LIN28B: variants seen among roughly 807,000 people sequenced by gnomAD.
LIN28B encodes lin-28 RNA binding posttranscriptional regulator B, also known as protein lin-28 homolog B.
Under a neutral mutation model 21.9 loss-of-function variants are expected in LIN28B, and 5 were observed. That is an observed-to-expected ratio of 0.23 (90% CI 0.12 to 0.48). The LOEUF (loss-of-function observed/expected upper bound fraction) is 0.48, where lower values mean the gene tolerates loss of function less well. LIN28B is among the 20% of genes least tolerant of loss of function. The pLI is 0.98. For missense variants in LIN28B, 245 were observed against 310.5 expected, an observed-to-expected ratio of 0.79 and a Z score of 1.58; for synonymous variants, 109 against 111.3, an observed-to-expected ratio of 0.98 and a Z score of 0.13.
chr6:105,067,560 TTCTC>T (rs765736767), intron 3 of LIN28B, among the ~76,000 whole-genome samples: 3 of 152,098 alleles, frequency 2.0e-5, no homozygotes, highest in East Asian at 1.9e-4. Context: ...TGAGTAATCT[TTCTC>T]TCTCTCTCTT....
chr6:104,939,628 T>C (rs1291868339), intron 2 of LIN28B: 2 of 152,362 alleles, frequency 1.3e-5, no homozygotes, highest in East Asian at 1.9e-4. Flanking sequence ...ATTTGCCTTT[T>C]AGTCATACAA....
At chr6:105,054,837 C>G (rs1025543446) in intron 3 of LIN28B, among the ~76,000 whole-genome samples, 12 of 149,902 alleles carry the variant, frequency 8.0e-5, no homozygotes, top group Non-Finnish European at 1.8e-4. Flanking sequence ...TTTCTTGAAC[C>G]TGAACAACTT....
chr6:104,963,237 G>A (rs867568205), intron 2 of LIN28B, among the ~76,000 whole-genome samples: 2 of 152,082 alleles, frequency 1.3e-5, no homozygotes, highest in Middle Eastern at 3.4e-3. Context: ...TAGTAGAGAC[G>A]GGGTTTCACT....
chr6:104,975,035 G>A (rs780073705), intron 2 of LIN28B, among the ~76,000 whole-genome samples: 6 of 152,032 alleles, frequency 3.9e-5, no homozygotes, highest in Admixed American at 2.0e-4. Flanking sequence ...GGCCAGGCTG[G>A]TCTTGAACTC....
intron 2 of LIN28B, among the ~76,000 whole-genome samples, chr6:104,970,109 G>T (rs984181897): frequency 2.0e-5 from 3 of 152,132 alleles, no homozygotes; most frequent in Admixed American, 6.6e-5. Flanking sequence ...CTCAGTAAAA[G>T]CTTCAATATT....
intron 2 of LIN28B, among the ~76,000 whole-genome samples, chr6:104,938,375 C>G (rs1268830714): frequency 6.6e-6 from 1 of 152,146 alleles, no homozygotes; most frequent in South Asian, 2.1e-4. Context: ...CATGGTGGAT[C>G]ACGCCTGTAA....
chr6:105,066,089 C>A (rs1022371232), intron 3 of LIN28B, among the ~76,000 whole-genome samples: 6 of 152,176 alleles, frequency 3.9e-5, no homozygotes, highest in Admixed American at 1.3e-4. Flanking sequence ...AAGAGGATTG[C>A]TTGAGCCCAG....
chr6:105,067,346 CACTACA>C (rs1772239162), intron 3 of LIN28B, among the ~76,000 whole-genome samples: 1 of 152,162 alleles, frequency 6.6e-6, no homozygotes, highest in Non-Finnish European at 1.5e-5. Context: ...ATAGTTAAAA[CACTACA>C]ACAGCAAAAA....
chr6:105,076,200 ATAATT>A (rs1409467551), intron 3 of LIN28B, among the ~76,000 whole-genome samples: 1 of 152,310 alleles, frequency 6.6e-6, no homozygotes, highest in African/African-American at 2.4e-5. Context: ...TATACAATGA[ATAATT>A]TAACTACAAC....
At chr6:104,995,747 G>A (rs1016194450) in intron 2 of LIN28B, among the ~76,000 whole-genome samples, 6 of 151,920 alleles carry the variant, frequency 3.9e-5, no homozygotes, top group South Asian at 2.1e-4. Flanking sequence ...ATATATGTGC[G>A]TTTAATGGAA....
chr6:105,054,023 C>T (rs749111491), intron 3 of LIN28B, among the ~76,000 whole-genome samples: 2 of 144,984 alleles, frequency 1.4e-5, no homozygotes, highest in African/African-American at 2.5e-5. Flanking sequence ...GGATTACAGG[C>T]GTGAGACACT....
At chr6:105,068,389 A>G (rs1447822740) in intron 3 of LIN28B, among the ~76,000 whole-genome samples, 2 of 152,212 alleles carry the variant, frequency 1.3e-5, no homozygotes, top group African/African-American at 4.8e-5. Flanking sequence ...TGTCTAGTTA[A>G]TTTCTCATCA....
At chr6:104,987,456 G>A (rs1053361862) in intron 2 of LIN28B, among the ~76,000 whole-genome samples, 3 of 152,052 alleles carry the variant, frequency 2.0e-5, no homozygotes, top group East Asian at 1.9e-4. Context: ...GGGTCCTGCC[G>A]CCTCAGCCTC....
At chr6:105,066,640 T>C (rs1229397579) in intron 3 of LIN28B, among the ~76,000 whole-genome samples, 1 of 152,214 alleles carries the variant, frequency 6.6e-6, no homozygotes, top group Admixed American at 6.5e-5. Flanking sequence ...TTATTTTGTA[T>C]ACCTAAGGTA....
intron 2 of LIN28B, among the ~76,000 whole-genome samples, chr6:104,996,855 C>T (rs1770616299): frequency 6.6e-6 from 1 of 152,174 alleles, no homozygotes; most frequent in Non-Finnish European, 1.5e-5. Flanking sequence ...AGGGGGCATG[C>T]ACCCGTGGTC....
chr6:105,071,019 G>C (rs1772323016), intron 3 of LIN28B, among the ~76,000 whole-genome samples: 1 of 152,018 alleles, frequency 6.6e-6, no homozygotes, highest in Non-Finnish European at 1.5e-5. Context: ...TAAAATTATA[G>C]GCACGCACTA....
chr6:104,949,008 T>C (rs1401066129), intron 2 of LIN28B, among the ~76,000 whole-genome samples: 1 of 152,190 alleles, frequency 6.6e-6, no homozygotes, highest in Non-Finnish European at 1.5e-5. Context: ...TAAACCTATT[T>C]GTGATAGTTT....
chr6:105,071,453 A>G (rs1393682880), intron 3 of LIN28B, among the ~76,000 whole-genome samples: 2 of 152,134 alleles, frequency 1.3e-5, no homozygotes, highest in Non-Finnish European at 2.9e-5. Context: ...AACAATAACA[A>G]TTAGTTATTG....
chr6:105,072,320 T>TTAAATTATATAAATTTATATATATATA (rs1326147427), intron 3 of LIN28B, among the ~76,000 whole-genome samples: 1 of 152,176 alleles, frequency 6.6e-6, no homozygotes, highest in Non-Finnish European at 1.5e-5. Flanking sequence ...TGGGGGTGGA[T>TTAAATTATATAAATTTATATATATATA]TAAATTATAT....
Sources: gnomAD v4.1 joint callset for allele counts (sites outside exome capture counted in the v4.1 genomes callset) on GRCh38, gnomAD v4.1.1 for gene constraint, MANE v1.5 for transcripts, NCBI Gene and HGNC (gene_info 2026-07-23, HGNC 2026-07-21) for gene names.